Variants in BACH1 observed in about 807,000 individuals in gnomAD.
BACH1 encodes transcription regulator protein BACH1.
A neutral mutation model predicts 52.9 loss-of-function variants in BACH1; 35 were observed. That is an observed-to-expected ratio of 0.66 (90% CI 0.51 to 0.88). The LOEUF (loss-of-function observed/expected upper bound fraction) is 0.88. Among genes scored for constraint, BACH1 ranks in the 40% least tolerant of loss-of-function variants. The probability of loss-of-function intolerance (pLI) is 0.00; values close to 1 mark genes in which losing one functional copy is unlikely to be tolerated. For missense variants in BACH1, 808 were observed against 872.6 expected (o/e 0.93, Z 0.93); for synonymous variants, 321 against 319.6 (o/e 1.00, Z -0.05).
At chr21:29,356,827 A>C (rs1165756526) in intron 2 of BACH1, among the ~76,000 whole-genome samples, 1 of 150,658 alleles carries the variant, frequency 6.6e-6, no homozygotes, top group Non-Finnish European at 1.5e-5. Context: ...AATAGGGTAC[A>C]CTGTTTTTCC....
At chr21:29,346,577 A>C (rs139816770), downstream of BACH1, among the ~76,000 whole-genome samples, 90 of 152,108 alleles carry the variant, frequency 5.9e-4, no homozygotes, top group Middle Eastern at 3.4e-3. Context: ...TTGCTTGCCT[A>C]GGGGACACTT....
At position 29,329,568 on chromosome 21, in the gene BACH1, A is replaced by G. The variant is rs778014862; in HGVS notation, c.1651A>G (p.Thr551Ala). ...FQSLLKMHKLTPEQLDCIHDI... is the reference protein window; with the variant it reads ...FQSLLKMHKLAPEQLDCIHDI... ...GTCCTTGTTGAAAATGCACAAGCTT[A>G]CTCCAGAACAGCTGGATTGTATCCA... Residue 551 changes from threonine (T) to alanine (A), a missense_variant, in exon 4 of 5, where the codon ACT becomes GCT. Thr to Ala is a moderately conservative substitution (Grantham distance 58). Transcript: ENST00000286800. The G allele has an allele frequency of 5.6e-6, 9 of 1,605,954 alleles. No homozygotes were observed. Among genetic ancestry groups the G allele is most frequent in the Non-Finnish European group, 7.6e-6 (9 of 1,177,356 alleles).
chr21:29,342,517 A>G lies in BACH1; in HGVS notation c.1895A>G (p.Gln632Arg), dbSNP rs758164062. The change falls in exon 5 of 5, where the codon CAA becomes CGA. Residue 632 changes from glutamine (Q) to arginine (R), a missense_variant. Physicochemically the swap from Gln to Arg is conservative, Grantham distance 43 (BLOSUM62 1). Coordinates refer to ENST00000286800, the MANE Select transcript of BACH1 (RefSeq NM_001186.4). ...GTTTGTAAAGAAGCAGCTCTGAGTC[A>G]AGAACAAATACAGATACTCGCCAAG... ...QKVCKEAALS[Q>R]EQIQILAKYS... 1.2e-6 allele frequency: 2 copies of G among 1,614,254 alleles called. No individual in the cohort carries two copies. Among genetic ancestry groups the G allele is most frequent in the Non-Finnish European group, 1.7e-6 (2 of 1,180,056 alleles).
chr21:29,327,434 A>G, intron 3 of BACH1, 41 bp downstream of exon 3: 1 of 1,570,758 alleles, frequency 6.4e-7, no homozygotes, highest in Non-Finnish European at 8.6e-7. Flanking sequence ...TTTAATAACC[A>G]TTAATTGGGA....
At chr21:29,304,203 G>A (rs1286667735) in intron 1 of BACH1, among the ~76,000 whole-genome samples, 1 of 148,996 alleles carries the variant, frequency 6.7e-6, no homozygotes, top group East Asian at 2.0e-4. Flanking sequence ...TCGGGTCACT[G>A]CAACCTCCGC....
In BACH1 at chr21:29,342,568, C is replaced by T; in HGVS notation, c.1946C>T (p.Ser649Leu). The T allele has an allele frequency of 6.2e-7, 1 of 1,614,220 alleles. No homozygotes were observed. The highest frequency in any genetic ancestry group is 1.1e-5 in the South Asian group (1 of 91,080). The change falls in exon 5 of 5, where the codon TCA becomes TTA. Residue 649 changes from serine to leucine, a missense_variant. Transcript: ENST00000286800. ...AKYSAADCPL[S>L]FLISEKDKST... ...TACTCAGCTGCAGATTGCCCACTTTCATTTTTAATTTCTGAAAAAGATAAA... is the reference window on the plus strand; with the variant it reads ...TACTCAGCTGCAGATTGCCCACTTTTATTTTTAATTTCTGAAAAAGATAAA...
At chr21:29,318,938 C>T (rs1001767581) in intron 1 of BACH1, among the ~76,000 whole-genome samples, 1 of 152,008 alleles carries the variant, frequency 6.6e-6, no homozygotes, top group African/African-American at 2.4e-5. Context: ...CCATACTGTG[C>T]GTTCAGCTAG....
rs535515649 is a variant in BACH1 at position 29,331,762 on chromosome 21, G to T, written c.1776+2069G>T. Among the ~76,000 whole-genome samples, 9 of 152,238 alleles carry T rather than the reference G, an allele frequency of 5.9e-5. No homozygotes were observed. In the East Asian group the frequency reaches 1.5e-3, roughly 26 times the overall value. ...TACTAGTTCCTACTTTATAGATTAG[G>T]TGCTTATTTGGGGGAATTAATTGAG... is the stretch of plus-strand genomic sequence containing the variant. On this transcript the variant is annotated intron_variant, in intron 4 of 4. Transcript: ENST00000286800.
At chr21:29,322,818 A>G (rs2088864750) in intron 2 of BACH1, among the ~76,000 whole-genome samples, 1 of 152,230 alleles carries the variant, frequency 6.6e-6, no homozygotes, top group African/African-American at 2.4e-5. Context: ...ATGGTGCAAT[A>G]TCAAGAAAAT....
intron 4 of BACH1, among the ~76,000 whole-genome samples, chr21:29,341,649 A>G (rs2089114229): frequency 6.6e-6 from 1 of 152,154 alleles, no homozygotes. Context: ...AGCAAGCACA[A>G]AATTACCCCC....
intron 2 of BACH1, among the ~76,000 whole-genome samples, chr21:29,357,139 C>G (rs1232890710): frequency 6.6e-6 from 1 of 152,212 alleles, no homozygotes; most frequent in Non-Finnish European, 1.5e-5. Context: ...TCTGTATACA[C>G]ATTTATTCTT....
At chr21:29,347,507 T>C (rs1345655906), downstream of BACH1, among the ~76,000 whole-genome samples, 1 of 152,174 alleles carries the variant, frequency 6.6e-6, no homozygotes, top group Non-Finnish European at 1.5e-5. Context: ...ACTAGGGAAG[T>C]CTTAGGGAAG....
intron 2 of BACH1, among the ~76,000 whole-genome samples, chr21:29,323,116 C>CT (rs1484556647): frequency 1.3e-5 from 2 of 152,066 alleles, no homozygotes; most frequent in Non-Finnish European, 2.9e-5. Context: ...TCCTAAAGAC[C>CT]TTTTTAGATT....
downstream of BACH1, among the ~76,000 whole-genome samples, chr21:29,349,949 G>A (rs1006803544): frequency 4.6e-5 from 7 of 152,078 alleles, no homozygotes; most frequent in Non-Finnish European, 1.0e-4. Context: ...TATCTCTTCT[G>A]AAGTCCTTGC....
intron 2 of BACH1, among the ~76,000 whole-genome samples, chr21:29,322,923 A>G (rs2088865923): frequency 6.6e-6 from 1 of 152,250 alleles, no homozygotes; most frequent in Admixed American, 6.5e-5. Context: ...CATATTTTCA[A>G]ATTATTGAAT....
chr21:29,345,191 A>G lies in BACH1; in HGVS notation c.*2358A>G, dbSNP rs932764134. 6.6e-6 allele frequency: 1 copy of G among 152,660 alleles called. No homozygotes were observed. Among genetic ancestry groups the G allele is most frequent in the African/African-American group, 2.4e-5 (1 of 41,456 alleles). The allele number at this position is 152,660 out of a possible 1,614,324, so 9.5% of individuals were successfully genotyped here. On this transcript the variant is annotated 3_prime_UTR_variant, in exon 5 of 5. Transcript: ENST00000286800. ...AAGATTTTACGTTTGTCTTTTGGCC[A>G]TAAGTGGGAAAGTTTTCTGTATATT...
chr21:29,360,863 A>C (rs930630525), intron 2 of BACH1, among the ~76,000 whole-genome samples: 30 of 148,112 alleles, frequency 2.0e-4, no homozygotes, highest in East Asian at 1.6e-3. Flanking sequence ...AAAAAAAAAC[A>C]AAAAAAAACC....
chr21:29,337,232 G>C (rs2123467871), intron 4 of BACH1, among the ~76,000 whole-genome samples: 1 of 152,238 alleles, frequency 6.6e-6, no homozygotes, highest in South Asian at 2.1e-4. Flanking sequence ...TAAAACTCCT[G>C]GTTTCTTCTA....
At chr21:29,314,942 A>G (rs2088769230) in intron 1 of BACH1, among the ~76,000 whole-genome samples, 2 of 152,222 alleles carry the variant, frequency 1.3e-5, no homozygotes, top group Non-Finnish European at 2.9e-5. Flanking sequence ...TTACTCTTCC[A>G]GGCTCTCCTG....
Sources: gnomAD v4.1 joint callset for allele counts (sites outside exome capture counted in the v4.1 genomes callset) on GRCh38, gnomAD v4.1.1 for gene constraint, MANE v1.5 for transcripts, NCBI Gene and HGNC (gene_info 2026-07-23, HGNC 2026-07-21) for gene names.